The following SYNPR variants were observed in gnomAD, a reference collection of about 807,000 sequenced individuals.
SYNPR encodes the protein synaptoporin.
SYNPR carries 23 observed loss-of-function variants against 32.9 expected under a neutral mutation model. That is an observed-to-expected ratio of 0.70 (90% CI 0.50 to 0.99). The LOEUF is 0.99. Among genes scored for constraint, SYNPR ranks in the 50% least tolerant of loss-of-function variants. SYNPR has a pLI of 0.00. For missense variants in SYNPR, 318 were observed against 349.3 expected (o/e 0.91, Z 0.71); for synonymous variants, 146 against 135.9 (o/e 1.07, Z -0.52).
chr3:63,605,622 G>T (rs62251871), intron 4 of SYNPR, among the ~76,000 whole-genome samples: 20,691 of 152,248 alleles, frequency 0.14, 1,462 homozygotes, highest in East Asian at 0.17. Flanking sequence ...AATATATAAT[G>T]TACCAGTTGG....
intron 2 of SYNPR, among the ~76,000 whole-genome samples, chr3:63,389,365 T>C (rs1217407160): frequency 6.6e-6 from 1 of 152,194 alleles, no homozygotes; most frequent in East Asian, 1.9e-4. Context: ...TCTAAAATGA[T>C]GTTGTCACAT....
intron 3 of SYNPR, among the ~76,000 whole-genome samples, chr3:63,269,580 A>C (rs17068010): frequency 0.64 from 97,338 of 151,980 alleles, 31,536 homozygotes; most frequent in Middle Eastern, 0.74. Flanking sequence ...TGTTATTAGC[A>C]CCAATTGTGT....
intron 2 of SYNPR, among the ~76,000 whole-genome samples, chr3:63,335,854 G>T (rs76015027): frequency 7.6e-6 from 1 of 131,836 alleles, no homozygotes; most frequent in African/African-American, 2.9e-5. Context: ...TCAGCTCACC[G>T]CAACCTCTGC....
chr3:63,426,556 G>A (rs971939106), intron 2 of SYNPR, among the ~76,000 whole-genome samples: 6 of 152,156 alleles, frequency 3.9e-5, no homozygotes, highest in African/African-American at 1.4e-4. Flanking sequence ...AGTTCCAAGT[G>A]GTAGGTGCAA....
chr3:63,405,995 T>A (rs2088354695), intron 2 of SYNPR, among the ~76,000 whole-genome samples: 1 of 152,118 alleles, frequency 6.6e-6, no homozygotes, highest in African/African-American at 2.4e-5. Context: ...TATATTCAGT[T>A]TATTCTTACT....
chr3:63,533,287 C>A (rs1702141899), intron 3 of SYNPR, among the ~76,000 whole-genome samples: 1 of 151,970 alleles, frequency 6.6e-6, no homozygotes, highest in Admixed American at 6.5e-5. Flanking sequence ...TCCTCTTACA[C>A]AAGGTCTTAA....
At chr3:63,448,587 A>G (rs1226002140) in intron 2 of SYNPR, among the ~76,000 whole-genome samples, 1 of 152,186 alleles carries the variant, frequency 6.6e-6, no homozygotes, top group Admixed American at 6.5e-5. Flanking sequence ...CTACCTTCAT[A>G]TGAAATTGAA....
intron 3 of SYNPR, among the ~76,000 whole-genome samples, chr3:63,492,117 G>C (rs1220693992): frequency 6.6e-6 from 1 of 152,062 alleles, no homozygotes; most frequent in Non-Finnish European, 1.5e-5. Context: ...AGAGAAAGGA[G>C]TGAAATCCCC....
intron 3 of SYNPR, among the ~76,000 whole-genome samples, chr3:63,486,983 C>T (rs144754276): frequency 3.1e-3 from 472 of 152,214 alleles, no homozygotes; most frequent in African/African-American, 0.011. Context: ...TCTGGTTAGA[C>T]ATAGTTTGTA....
intron 2 of SYNPR, among the ~76,000 whole-genome samples, chr3:63,321,774 CA>C (rs2087113229): frequency 1.3e-5 from 2 of 152,008 alleles, no homozygotes; most frequent in South Asian, 4.1e-4. Flanking sequence ...AACACCTCTC[CA>C]CATGAGTAGC....
At chr3:63,466,859 A>C (rs1471173458) in intron 2 of SYNPR, among the ~76,000 whole-genome samples, 2 of 152,202 alleles carry the variant, frequency 1.3e-5, no homozygotes, top group African/African-American at 2.4e-5. Flanking sequence ...TAGTGGCCCC[A>C]TCTCAAAATA....
intron 2 of SYNPR, among the ~76,000 whole-genome samples, chr3:63,416,531 T>TAAAAAAAAAA (rs60383627): frequency 9.5e-6 from 1 of 105,334 alleles, no homozygotes; most frequent in African/African-American, 3.6e-5. Flanking sequence ...GACTCTGTCT[T>TAAAAAAAAAA]AAAAAAAAAA....
At chr3:63,502,913 A>G (rs1168722479) in intron 3 of SYNPR, among the ~76,000 whole-genome samples, 1 of 152,182 alleles carries the variant, frequency 6.6e-6, no homozygotes, top group Non-Finnish European at 1.5e-5. Flanking sequence ...CTCTAGGATT[A>G]TGAATGAAGC....
At chr3:63,237,952 T>C (rs2086211895) in intron 1 of SYNPR, among the ~76,000 whole-genome samples, 1 of 152,094 alleles carries the variant, frequency 6.6e-6, no homozygotes, top group Non-Finnish European at 1.5e-5. Context: ...TTTGGTAGAA[T>C]TCTCAATTGC....
intron 3 of SYNPR, among the ~76,000 whole-genome samples, chr3:63,270,767 T>C (rs946695789): frequency 1.3e-5 from 2 of 152,188 alleles, no homozygotes. Context: ...TCACAGTGCC[T>C]GGCATGTAGT....
chr3:63,484,889 C>T (rs1179589607), intron 3 of SYNPR, among the ~76,000 whole-genome samples: 13 of 152,082 alleles, frequency 8.5e-5, no homozygotes, highest in Non-Finnish European at 1.9e-4. Context: ...GTTAGAAAGG[C>T]CACTTTTTTC....
chr3:63,556,416 A>G, intron 3 of SYNPR, 127 bp from the exon 4 acceptor site: 1 of 689,184 alleles, frequency 1.5e-6, no homozygotes, highest in Non-Finnish European at 2.4e-6. Flanking sequence ...CTTAATGAAT[A>G]TGTTACATAG....
intron 2 of SYNPR, among the ~76,000 whole-genome samples, chr3:63,358,638 C>A (rs954375278): frequency 8.0e-5 from 12 of 150,624 alleles, no homozygotes; most frequent in African/African-American, 2.7e-4. Context: ...AAAAAAAAAC[C>A]TAAGAATGAG....
At chr3:63,595,817 TTTTA>T (rs1376215206) in intron 4 of SYNPR, among the ~76,000 whole-genome samples, 1 of 60,314 alleles carries the variant, frequency 1.7e-5, no homozygotes, top group Non-Finnish European at 3.0e-5. Flanking sequence ...ATATATATAG[TTTTA>T]TATATATATA....
Sources: allele counts gnomAD v4.1 joint callset (sites outside exome capture counted in the v4.1 genomes callset), GRCh38; gene constraint gnomAD v4.1.1; transcripts MANE v1.5; gene names NCBI Gene and HGNC (gene_info 2026-07-23, HGNC 2026-07-21).